The following PPP2R2B variants were observed in gnomAD, a reference collection of about 807,000 sequenced individuals.
PPP2R2B encodes the protein protein phosphatase 2 regulatory subunit Bbeta.
In PPP2R2B, 5 loss-of-function variants were observed where a neutral mutation model predicts 46.0. The ratio of observed to expected loss-of-function variants is 0.11; its 90% confidence interval spans 0.06 to 0.23. The LOEUF (loss-of-function observed/expected upper bound fraction) is 0.23. PPP2R2B is among the 10% of genes least tolerant of loss of function. The probability of loss-of-function intolerance (pLI) is 1.00; values close to 1 mark genes in which losing one functional copy is unlikely to be tolerated. For missense variants in PPP2R2B, 367 were observed against 575.0 expected (o/e 0.64, Z 3.70); for synonymous variants, 215 against 206.7 (o/e 1.04, Z -0.34).
At chr5:146,674,966 A>G (rs546475312) in intron 5 of PPP2R2B, among the ~76,000 whole-genome samples, 2 of 152,072 alleles carry the variant, frequency 1.3e-5, no homozygotes, top group East Asian at 1.9e-4. Flanking sequence ...TATTATTATT[A>G]TTGTTATTAT....
chr5:146,862,771 T>C (rs907489102), intron 2 of PPP2R2B, among the ~76,000 whole-genome samples: 3 of 152,046 alleles, frequency 2.0e-5, no homozygotes, highest in South Asian at 2.1e-4. Context: ...AAATTTTTTT[T>C]TTTTTTTGCC....
intron 2 of PPP2R2B, among the ~76,000 whole-genome samples, chr5:146,826,260 G>A (rs542391687): frequency 5.9e-4 from 90 of 152,140 alleles, no homozygotes; most frequent in Middle Eastern, 3.4e-3. Context: ...ACTTGACATC[G>A]GATTATTCTG....
At chr5:146,996,899 T>C (rs540286524) in intron 1 of PPP2R2B, among the ~76,000 whole-genome samples, 74 of 152,100 alleles carry the variant, frequency 4.9e-4, no homozygotes, top group African/African-American at 1.8e-3. Context: ...CCAGTTTCTC[T>C]CTCCCTCCAG....
intron 1 of PPP2R2B, among the ~76,000 whole-genome samples, chr5:146,941,389 C>T (rs1764317725): frequency 2.0e-5 from 3 of 152,214 alleles, no homozygotes; most frequent in African/African-American, 7.2e-5. Flanking sequence ...TTATGACAAA[C>T]CGGCCTGAAA....
intron 2 of PPP2R2B, among the ~76,000 whole-genome samples, chr5:146,874,104 C>T (rs142184357): frequency 4.6e-4 from 70 of 152,352 alleles, no homozygotes; most frequent in African/African-American, 1.6e-3. Flanking sequence ...ATTAGATCCA[C>T]CTTTCCACCT....
intron 2 of PPP2R2B, among the ~76,000 whole-genome samples, chr5:147,065,499 G>A (rs910546246): frequency 6.6e-6 from 1 of 152,040 alleles, no homozygotes; most frequent in Non-Finnish European, 1.5e-5. Context: ...TGTACACACT[G>A]GAGATGCTAC....
chr5:146,835,041 ATTGATTCTGGG>A (rs1759196015), intron 2 of PPP2R2B, among the ~76,000 whole-genome samples: 1 of 152,086 alleles, frequency 6.6e-6, no homozygotes, highest in African/African-American at 2.4e-5. Flanking sequence ...GGGCACCTAG[ATTGATTCTGGG>A]TCTTTGCTAT....
rs757784919 is a variant in PPP2R2B, at chr5:146,915,582, ATGT to A, written c.79+140080_79+140082del. Among the ~76,000 whole-genome samples, 11 of 152,292 alleles carry A rather than the reference ATGT, an allele frequency of 7.2e-5. No homozygotes were observed. In the South Asian group the frequency reaches 2.3e-3, roughly 32 times the overall value. On this transcript the variant is annotated intron_variant, in intron 1 of 8. Coordinates refer to the PPP2R2B transcript ENST00000336640. Reference sequence around the variant, plus strand: ...AGGCATTCAGCCCTCTGTCCTGAAGATGTTGTTCCTTTACCCTAAGTTTAGCTG... The same window carrying A: ...AGGCATTCAGCCCTCTGTCCTGAAGATGTTCCTTTACCCTAAGTTTAGCTG...
At chr5:146,936,609 C>G (rs1291887629) in intron 1 of PPP2R2B, among the ~76,000 whole-genome samples, 5 of 151,524 alleles carry the variant, frequency 3.3e-5, no homozygotes, top group Non-Finnish European at 7.4e-5. Context: ...CAAACAGAAC[C>G]TCTCTGTACA....
chr5:146,771,832 G>A (rs1181521941), intron 2 of PPP2R2B, among the ~76,000 whole-genome samples: 1 of 152,170 alleles, frequency 6.6e-6, no homozygotes, highest in African/African-American at 2.4e-5. Flanking sequence ...GGGTGGGGAT[G>A]AGATACCCAA....
chr5:147,037,062 C>G (rs902383419), intron 1 of PPP2R2B, among the ~76,000 whole-genome samples: 1 of 152,152 alleles, frequency 6.6e-6, no homozygotes, highest in South Asian at 2.1e-4. Context: ...ACTTTGCCCA[C>G]GTTAGCATAC....
chr5:146,668,215 C>T (rs1008814055), intron 5 of PPP2R2B, among the ~76,000 whole-genome samples: 2 of 152,214 alleles, frequency 1.3e-5, no homozygotes, highest in African/African-American at 4.8e-5. Flanking sequence ...CTTCTTCAAC[C>T]TGTCACTATT....
intron 2 of PPP2R2B, among the ~76,000 whole-genome samples, chr5:146,787,489 C>A: frequency 6.6e-6 from 1 of 151,744 alleles, no homozygotes; most frequent in African/African-American, 2.4e-5. Context: ...AGAGCTCTTC[C>A]TTCCTTTCCT....
intron 2 of PPP2R2B, among the ~76,000 whole-genome samples, chr5:146,823,536 C>T (rs971407911): frequency 2.6e-5 from 4 of 151,982 alleles, no homozygotes; most frequent in South Asian, 2.1e-4. Context: ...ACGAGCAGAA[C>T]GTGCACTGAG....
At chr5:147,021,279 C>A (rs923631246) in intron 1 of PPP2R2B, among the ~76,000 whole-genome samples, 1 of 151,926 alleles carries the variant, frequency 6.6e-6, no homozygotes, top group Non-Finnish European at 1.5e-5. Context: ...AAAGGGGCAC[C>A]CAAGGAAAAC....
intron 7 of PPP2R2B, among the ~76,000 whole-genome samples, chr5:146,632,824 T>G (rs1774531612): frequency 6.6e-6 from 1 of 152,030 alleles, no homozygotes; most frequent in Admixed American, 6.5e-5. Flanking sequence ...GCAAAGGCCC[T>G]GAGGTGGGAA....
At chr5:146,672,567 A>T (rs1161212463) in intron 5 of PPP2R2B, among the ~76,000 whole-genome samples, 1 of 152,170 alleles carries the variant, frequency 6.6e-6, no homozygotes, top group Non-Finnish European at 1.5e-5. Context: ...CGCATGTACC[A>T]GATTAAAGTT....
chr5:146,870,426 A>G (rs1273667076), intron 2 of PPP2R2B, among the ~76,000 whole-genome samples: 2 of 152,226 alleles, frequency 1.3e-5, no homozygotes, highest in African/African-American at 4.8e-5. Context: ...ACTTGCACAC[A>G]GGAGAAAGGC....
At chr5:146,764,960 T>G (rs1226047776) in intron 2 of PPP2R2B, among the ~76,000 whole-genome samples, 3 of 152,182 alleles carry the variant, frequency 2.0e-5, no homozygotes, top group African/African-American at 7.2e-5. Context: ...AAGAATTTAA[T>G]TATCCTCAGG....
Sources: gnomAD v4.1 joint callset for allele counts (sites outside exome capture counted in the v4.1 genomes callset) on GRCh38, gnomAD v4.1.1 for gene constraint, MANE v1.5 for transcripts, NCBI Gene and HGNC (gene_info 2026-07-23, HGNC 2026-07-21) for gene names.